The following CDKL3 variants were observed in gnomAD, a reference collection of about 807,000 sequenced individuals.
CDKL3 encodes cyclin-dependent kinase-like 3.
A neutral mutation model predicts 69.3 loss-of-function variants in CDKL3; 65 were observed. That is an observed-to-expected ratio of 0.94 (90% confidence interval 0.77 to 1.15). CDKL3 has a LOEUF of 1.15. Ranked by LOEUF, CDKL3 falls within the 50% of genes most tolerant of loss-of-function variation. The pLI is 0.00. For missense variants in CDKL3, 652 were observed against 689.2 expected, an observed-to-expected ratio of 0.95 and a Z score of 0.61; for synonymous variants, 202 against 221.6, an observed-to-expected ratio of 0.91 and a Z score of 0.79.
downstream of CDKL3, among the ~76,000 whole-genome samples, chr5:134,283,599 G>A (rs904821882): frequency 2.6e-5 from 4 of 152,068 alleles, no homozygotes; most frequent in African/African-American, 9.7e-5. Flanking sequence ...CAACACATGG[G>A]AATTCAAGAT....
intron 12 of CDKL3, chr5:134,299,733 T>G: frequency 1.3e-6 from 2 of 1,534,014 alleles, no homozygotes; most frequent in African/African-American, 1.4e-5. Context: ...TCCTTTCAGT[T>G]TGTGCATTTC....
intron 3 of CDKL3, among the ~76,000 whole-genome samples, chr5:134,356,517 G>C (rs1754652400): frequency 6.6e-6 from 1 of 152,192 alleles, no homozygotes; most frequent in Non-Finnish European, 1.5e-5. Context: ...GCTCATGCCT[G>C]TAATCCCAGC....
intron 4 of CDKL3, among the ~76,000 whole-genome samples, chr5:134,343,141 G>A (rs539993695): frequency 6.6e-6 from 1 of 151,522 alleles, no homozygotes; most frequent in East Asian, 1.9e-4. Context: ...GAAGGTGGAG[G>A]TTGCTGTGGG....
intron 4 of CDKL3, among the ~76,000 whole-genome samples, chr5:134,335,314 TCATTTA>T (rs1776817706): frequency 6.6e-6 from 1 of 152,134 alleles, no homozygotes; most frequent in South Asian, 2.1e-4. Flanking sequence ...GGCATTTAGC[TCATTTA>T]CATTTAAGGT....
upstream of CDKL3, among the ~76,000 whole-genome samples, chr5:134,369,426 A>C (rs573603180): frequency 6.6e-6 from 1 of 151,922 alleles, no homozygotes; most frequent in Non-Finnish European, 1.5e-5. Context: ...ACAGGGAAAG[A>C]GGGGGTAGGA....
At chr5:134,296,782 T>TACACACACACAC (rs36097045), downstream of CDKL3, among the ~76,000 whole-genome samples, 263 of 141,564 alleles carry the variant, frequency 1.9e-3, no homozygotes, top group African/African-American at 5.4e-3. Flanking sequence ...ACCCTGTCTC[T>TACACACACACAC]ACACACACAC....
intron 3 of CDKL3, among the ~76,000 whole-genome samples, chr5:134,358,905 T>TAGCC (rs780090014): frequency 1.4e-4 from 22 of 152,166 alleles, no homozygotes; most frequent in Non-Finnish European, 2.4e-4. Context: ...TGAGCTACTA[T>TAGCC]AGCCAGCCTA....
chr5:134,371,536 G>T, upstream of CDKL3: 2 of 1,586,996 alleles, frequency 1.3e-6, no homozygotes, highest in Non-Finnish European at 1.7e-6. Context: ...CGCGCCGGGG[G>T]GTGGGGGGGC....
upstream of CDKL3, among the ~76,000 whole-genome samples, chr5:134,368,637 AAAAAG>A (rs1757979659): frequency 2.0e-5 from 3 of 151,732 alleles, no homozygotes; most frequent in Non-Finnish European, 2.9e-5. Flanking sequence ...AAAAAAAAAA[AAAAAG>A]AAAGTTATTC....
rs755323623 is a variant in CDKL3, at chr5:134,321,891, GAT to G, written c.550_551del (p.Ile184LeufsTer9). The G allele has an allele frequency of 3.8e-6, 6 of 1,595,620 alleles. No homozygotes were observed. The East Asian group carries it at 1.3e-4, about 36-fold the overall frequency. On this transcript the variant is annotated frameshift_variant, in exon 5 of 13. Transcript: ENST00000265334. LOFTEE classifies it high-confidence loss of function. ...KDTSYGKPVD[I>X]WALGCMIIEM... is the part of the protein sequence containing the mutation. ...CAATGATCATACAGCCCAAAGCCCA[GAT>G]ATCCACAGGTCTGAAACAGATCAGG...
intron 6 of CDKL3, among the ~76,000 whole-genome samples, chr5:134,318,277 T>C (rs1771727715): frequency 6.6e-6 from 1 of 151,694 alleles, no homozygotes; most frequent in Non-Finnish European, 1.5e-5. Flanking sequence ...ATTTAAATTT[T>C]AAAATAATAA....
downstream of CDKL3, among the ~76,000 whole-genome samples, chr5:134,297,591 T>C (rs1765423477): frequency 1.3e-5 from 2 of 151,866 alleles, no homozygotes; most frequent in Non-Finnish European, 2.9e-5. Flanking sequence ...TCTTTCTTTT[T>C]TTTTTTTGAG....
intron 11 of CDKL3, among the ~76,000 whole-genome samples, chr5:134,303,068 A>G (rs2149423355): frequency 6.6e-6 from 1 of 152,166 alleles, no homozygotes; most frequent in East Asian, 1.9e-4. Flanking sequence ...AGTGCGTTTC[A>G]TTCTGATATA....
intron 3 of CDKL3, among the ~76,000 whole-genome samples, chr5:134,352,791 GATTT>G (rs1256030412): frequency 4.6e-5 from 7 of 151,914 alleles, no homozygotes; most frequent in Admixed American, 3.3e-4. Context: ...TCTTACTATT[GATTT>G]ATTTGAGTTC....
At chr5:134,371,319 C>G (rs1176143025), upstream of CDKL3, 2 of 570,972 alleles carry the variant, frequency 3.5e-6, no homozygotes, top group African/African-American at 1.9e-5. Context: ...TTCAGGAAGC[C>G]CAGGGGGAAC....
At chr5:134,317,378 C>T (rs1000331914) in intron 6 of CDKL3, among the ~76,000 whole-genome samples, 4 of 152,100 alleles carry the variant, frequency 2.6e-5, no homozygotes, top group African/African-American at 9.7e-5. Flanking sequence ...TCAGGTGATC[C>T]ACCCACCTCA....
chr5:134,353,502 T>C (rs1753801445), intron 3 of CDKL3, among the ~76,000 whole-genome samples: 1 of 151,740 alleles, frequency 6.6e-6, no homozygotes, highest in Non-Finnish European at 1.5e-5. Context: ...CAATTCAGTC[T>C]CCACAATGAA....
intron 3 of CDKL3, among the ~76,000 whole-genome samples, chr5:134,354,659 G>A (rs186530065): frequency 2.6e-5 from 4 of 152,192 alleles, no homozygotes; most frequent in South Asian, 2.1e-4. Flanking sequence ...TTAAGATACC[G>A]CTTCAGGAGC....
chr5:134,354,579 T>C (rs1754097797), intron 3 of CDKL3, among the ~76,000 whole-genome samples: 6 of 152,226 alleles, frequency 3.9e-5, no homozygotes, highest in Admixed American at 3.9e-4. Flanking sequence ...ATTGAGGGCC[T>C]ACTATATGCC....
Sources: allele counts gnomAD v4.1 joint callset (sites outside exome capture counted in the v4.1 genomes callset), GRCh38; gene constraint gnomAD v4.1.1; transcripts MANE v1.5; gene names NCBI Gene and HGNC (gene_info 2026-07-23, HGNC 2026-07-21).